The following GADL1 variants were observed in gnomAD, a reference collection of about 807,000 sequenced individuals.
GADL1 encodes the protein acidic amino acid decarboxylase GADL1.
GADL1 carries 71 observed loss-of-function variants against 69.5 expected under a neutral mutation model. The observed-to-expected ratio is 1.02, with a 90% CI of 0.84 to 1.25. The LOEUF (loss-of-function observed/expected upper bound fraction) is 1.25, where lower values mean the gene tolerates loss of function less well. Among genes scored for constraint, GADL1 ranks in the 50% most tolerant of loss-of-function variants. GADL1 has a pLI of 0.00. For missense variants in GADL1, 737 were observed against 631.8 expected (o/e 1.17, Z -1.79); for synonymous variants, 254 against 214.4 (o/e 1.18, Z -1.62).
rs141634809 is a variant in GADL1 at position 30,872,038 on chromosome 3, A to C, written c.38-10273T>G. Among the ~76,000 whole-genome samples the C allele has an allele frequency of 7.6e-4, 115 of 152,002 alleles. 1 individual carries two copies. In the East Asian group the frequency reaches 0.02, roughly 26 times the overall value. ...CTTGATAAGGGGCATGACGTGCTGC[A>C]ATTGTATATCTTAGATTGTCATATT... On this transcript the variant is annotated intron_variant, in intron 1 of 14. Coordinates refer to ENST00000282538, the MANE Select transcript of GADL1 (RefSeq NM_207359.3).
intron 14 of GADL1, among the ~76,000 whole-genome samples, chr3:30,774,830 T>TGGGAC (rs1696495660): frequency 1.3e-5 from 2 of 152,120 alleles, no homozygotes; most frequent in Admixed American, 1.3e-4. Context: ...TGTTGCTATA[T>TGGGAC]GGGACTAGGG....
At chr3:30,804,962 C>T (rs115236189) in intron 11 of GADL1, among the ~76,000 whole-genome samples, 1,722 of 152,162 alleles carry the variant, frequency 0.011, 33 homozygotes, top group African/African-American at 0.039. Flanking sequence ...CCTTTTGCAG[C>T]GCAAAGCAGA....
chr3:30,803,089 C>A (rs1382088911), intron 11 of GADL1, among the ~76,000 whole-genome samples: 7 of 152,174 alleles, frequency 4.6e-5, no homozygotes, highest in African/African-American at 1.4e-4. Context: ...GGGACCCTGT[C>A]TCTAGAATAA....
chr3:30,847,261 T>C (rs1698074562), intron 6 of GADL1, among the ~76,000 whole-genome samples: 1 of 152,178 alleles, frequency 6.6e-6, no homozygotes, highest in Non-Finnish European at 1.5e-5. Context: ...TCTTTATCAA[T>C]AGTAAAATTA....
intron 1 of GADL1, among the ~76,000 whole-genome samples, chr3:30,878,603 C>T (rs1698606490): frequency 6.6e-6 from 1 of 151,882 alleles, no homozygotes; most frequent in Admixed American, 6.6e-5. Flanking sequence ...CTGAGACTTA[C>T]TTATCACAGG....
intron 2 of GADL1, among the ~76,000 whole-genome samples, chr3:30,859,255 C>T (rs553926037): frequency 9.6e-4 from 146 of 151,862 alleles, no homozygotes; most frequent in African/African-American, 3.4e-3. Flanking sequence ...GGAGGAAATA[C>T]CAAGTTGTGC....
chr3:30,825,087 G>A (rs897178675), intron 11 of GADL1, among the ~76,000 whole-genome samples: 1 of 151,828 alleles, frequency 6.6e-6, no homozygotes, highest in African/African-American at 2.4e-5. Context: ...TGACCTAAAG[G>A]TATGTTTGCT....
chr3:30,754,046 T>C (rs1199352508), intron 14 of GADL1, among the ~76,000 whole-genome samples: 1 of 152,232 alleles, frequency 6.6e-6, no homozygotes, highest in Non-Finnish European at 1.5e-5. Context: ...TATTCTATAT[T>C]TTCCACCTTC....
In GADL1 at chr3:30,852,370, C is replaced by T. The variant is rs140898404; in HGVS notation, c.429-1429G>A. 1.1e-4 allele frequency among the ~76,000 whole-genome samples: 17 copies of T among 151,956 alleles called. No individual in the cohort carries two copies. In the East Asian group the frequency reaches 2.7e-3, roughly 24 times the overall value. On this transcript the variant is annotated intron_variant, in intron 4 of 14. Coordinates refer to ENST00000282538, the MANE Select transcript of GADL1 (RefSeq NM_207359.3). ...CTATTAAAAATACAAAAATTAGCCA[C>T]GCATGGTGGTAGGGGCCTGTAATCC...
chr3:30,842,637 C>T lies in GADL1; in HGVS notation c.786+1573G>A, dbSNP rs1697986366. Reference sequence around the variant, plus strand: ...ATTCCCCACCAACAAGCATTAACAACATAATGCAAATTATTTTTGATAGGA... The same window carrying T: ...ATTCCCCACCAACAAGCATTAACAATATAATGCAAATTATTTTTGATAGGA... On this transcript the variant is annotated intron_variant, in intron 8 of 14. Coordinates refer to ENST00000282538, the MANE Select transcript of GADL1 (RefSeq NM_207359.3). Among the ~76,000 whole-genome samples the T allele has an allele frequency of 2.6e-5, 4 of 151,826 alleles. No homozygotes were observed. The South Asian group carries it at 8.3e-4, about 32-fold the overall frequency.
intron 4 of GADL1, among the ~76,000 whole-genome samples, chr3:30,851,647 T>C (rs1698148695): frequency 7.1e-6 from 1 of 140,384 alleles, no homozygotes; most frequent in Non-Finnish European, 1.5e-5. Flanking sequence ...GGTCTACACC[T>C]GATAACTGCT....
At chr3:30,751,966 A>G (rs908345361) in intron 14 of GADL1, among the ~76,000 whole-genome samples, 1 of 151,718 alleles carries the variant, frequency 6.6e-6, no homozygotes, top group Non-Finnish European at 1.5e-5. Context: ...GAAAAGAACA[A>G]CAGCAAAGAC....
intron 14 of GADL1, among the ~76,000 whole-genome samples, chr3:30,731,909 G>C (rs1390282233): frequency 6.6e-6 from 1 of 152,182 alleles, no homozygotes; most frequent in Non-Finnish European, 1.5e-5. Flanking sequence ...TATTCTGCTG[G>C]TAGTAGTAGT....
At chr3:30,744,725 G>T (rs1027921924) in intron 14 of GADL1, among the ~76,000 whole-genome samples, 2 of 152,032 alleles carry the variant, frequency 1.3e-5, no homozygotes, top group African/African-American at 2.4e-5. Context: ...AAAAAGAAAA[G>T]AAAAAGCTAC....
intron 11 of GADL1, among the ~76,000 whole-genome samples, chr3:30,820,396 C>T (rs1418604433): frequency 6.6e-6 from 1 of 151,852 alleles, no homozygotes; most frequent in Non-Finnish European, 1.5e-5. Flanking sequence ...CAATATGAAG[C>T]TAGATATTAG....
chr3:30,771,078 AC>A (rs1484224598), intron 14 of GADL1, among the ~76,000 whole-genome samples: 2 of 152,120 alleles, frequency 1.3e-5, no homozygotes, highest in South Asian at 2.1e-4. Context: ...TTTTATTGGA[AC>A]TTTTTGTTGG....
At chr3:30,860,512 G>A (rs943379059) in intron 2 of GADL1, among the ~76,000 whole-genome samples, 1 of 151,712 alleles carries the variant, frequency 6.6e-6, no homozygotes, top group Non-Finnish European at 1.5e-5. Context: ...ATGCTATCTG[G>A]GCAAATACCA....
chr3:30,808,214 G>T (rs548437902), intron 11 of GADL1, among the ~76,000 whole-genome samples: 2 of 151,656 alleles, frequency 1.3e-5, no homozygotes, highest in South Asian at 4.2e-4. Flanking sequence ...AGGATGAACC[G>T]GCCGGGCCCA....
At chr3:30,856,457 T>A (rs373209488) in intron 3 of GADL1, among the ~76,000 whole-genome samples, 47 of 152,212 alleles carry the variant, frequency 3.1e-4, no homozygotes, top group East Asian at 1.6e-3. Context: ...CATCAAAAAC[T>A]TGGAATGTAT....
Sources: gnomAD v4.1 joint callset for allele counts (sites outside exome capture counted in the v4.1 genomes callset) on GRCh38, gnomAD v4.1.1 for gene constraint, MANE v1.5 for transcripts, NCBI Gene and HGNC (gene_info 2026-07-23, HGNC 2026-07-21) for gene names.